FSTL5: variants seen among roughly 807,000 people sequenced by gnomAD.
FSTL5 encodes follistatin-related protein 5.
A neutral mutation model predicts 89.1 loss-of-function variants in FSTL5; 62 were observed. The ratio of observed to expected loss-of-function variants is 0.70; its 90% CI spans 0.57 to 0.86. The LOEUF (loss-of-function observed/expected upper bound fraction) is 0.86. Among genes scored for constraint, FSTL5 ranks in the 40% least tolerant of loss-of-function variants. FSTL5 has a pLI of 0.00. For missense variants in FSTL5, 1,057 were observed against 1,001.6 expected (o/e 1.06, Z -0.75); for synonymous variants, 383 against 346.2 (o/e 1.11, Z -1.18).
At chr4:161,955,751 T>G (rs906749008) in intron 3 of FSTL5, among the ~76,000 whole-genome samples, 6 of 151,874 alleles carry the variant, frequency 4.0e-5, no homozygotes, top group Non-Finnish European at 7.4e-5. Context: ...GCCTAGTATA[T>G]TCAGCATCTG....
At chr4:161,511,926 T>G (rs1392781659) in intron 10 of FSTL5, among the ~76,000 whole-genome samples, 1 of 152,006 alleles carries the variant, frequency 6.6e-6, no homozygotes, top group Non-Finnish European at 1.5e-5. Context: ...AAGAGTGCTG[T>G]GCGGTGTAGG....
intron 2 of FSTL5, among the ~76,000 whole-genome samples, chr4:162,036,277 A>G (rs1737735834): frequency 6.6e-6 from 1 of 152,034 alleles, no homozygotes; most frequent in Non-Finnish European, 1.5e-5. Context: ...TGAATTTCTG[A>G]CCTTCCCTTA....
rs78598359 is a variant in FSTL5 at position 161,417,584 on chromosome 4, T to C, written c.1842-31135A>G. On this transcript the variant is annotated intron_variant, in intron 15 of 15. Coordinates refer to ENST00000306100, the MANE Select transcript of FSTL5 (RefSeq NM_020116.5). ...TTATACTTGAGGAATTTACAGTTGA[T>C]TAAGAATTAAGATTTGGGCCCGGGG... 3.4e-3 allele frequency among the ~76,000 whole-genome samples: 525 copies of C among 152,352 alleles called. 13 individuals carry two copies. In the East Asian group the frequency reaches 0.054, roughly 16 times the overall value.
rs796796268 is a variant in FSTL5, at chr4:161,779,791, A to G, written c.410-3717T>C. Among the ~76,000 whole-genome samples, 21 of 51,560 alleles carry G rather than the reference A, an allele frequency of 4.1e-4. 4 individuals are homozygous for G. In the South Asian group the frequency reaches 6.2e-3, roughly 15 times the overall value. The allele number at this position is 51,560 out of a possible 152,430, so 33.8% of individuals were successfully genotyped here. On this transcript the variant is annotated intron_variant, in intron 4 of 15. Transcript: ENST00000306100. ...TATATATATGTATATATATATATAT[A>G]TATATATATATATATATATGTATAT...
At chr4:161,456,084 C>T (rs1225660850) in intron 14 of FSTL5, among the ~76,000 whole-genome samples, 4 of 152,080 alleles carry the variant, frequency 2.6e-5, no homozygotes, top group Non-Finnish European at 1.5e-5. Context: ...CCATCGGAAT[C>T]CCTCCTGGCT....
rs190016294 is a variant in FSTL5 at position 161,641,983 on chromosome 4, T to G, written c.894+14345A>C. ...AGCTCTAAGGCATATAGAAAACAAA[T>G]AGCAAAATGAAAGAAATAAAGTTTC... On this transcript the variant is annotated intron_variant, in intron 7 of 15. Transcript: ENST00000306100. Among the ~76,000 whole-genome samples the G allele has an allele frequency of 7.0e-4, 107 of 152,160 alleles. 1 individual carries two copies. The highest frequency in any genetic ancestry group is 6.9e-3 in the Admixed American group (106 of 15,294).
At chr4:161,927,679 A>G (rs1578867412) in intron 3 of FSTL5, among the ~76,000 whole-genome samples, 2 of 151,792 alleles carry the variant, frequency 1.3e-5, no homozygotes, top group South Asian at 4.1e-4. Context: ...ATAGTGTATT[A>G]ATTTAAAAAG....
chr4:161,643,896 A>G (rs1026653377), intron 7 of FSTL5, among the ~76,000 whole-genome samples: 4 of 152,202 alleles, frequency 2.6e-5, no homozygotes, highest in Non-Finnish European at 5.9e-5. Flanking sequence ...ATAACTGCAA[A>G]TATAAGAACC....
chr4:161,524,951 C>T (rs1731166224), intron 10 of FSTL5, among the ~76,000 whole-genome samples: 1 of 149,642 alleles, frequency 6.7e-6, no homozygotes, highest in Admixed American at 6.6e-5. Context: ...GAGCAAGACT[C>T]CATCTCAAAA....
At chr4:161,786,152 T>C (rs979219253) in intron 4 of FSTL5, among the ~76,000 whole-genome samples, 2 of 152,084 alleles carry the variant, frequency 1.3e-5, no homozygotes, top group East Asian at 1.9e-4. Flanking sequence ...ATTTATTCTA[T>C]ATAATTGTAA....
At chr4:162,072,826 G>A (rs1280759987) in intron 2 of FSTL5, among the ~76,000 whole-genome samples, 1 of 151,780 alleles carries the variant, frequency 6.6e-6, no homozygotes, top group Admixed American at 6.6e-5. Context: ...GGTAGACCAA[G>A]TAAAGCAGAT....
intron 4 of FSTL5, among the ~76,000 whole-genome samples, chr4:161,908,462 AAATT>A (rs1201691124): frequency 1.3e-5 from 2 of 152,096 alleles, no homozygotes; most frequent in African/African-American, 4.8e-5. Flanking sequence ...GTTAATATAT[AAATT>A]GTTTCTTTCA....
chr4:161,455,237 A>G, intron 14 of FSTL5, 109 bp from the exon 15 acceptor site: 1 of 739,210 alleles, frequency 1.4e-6, no homozygotes, highest in East Asian at 3.2e-5. Context: ...GTTTGCATAG[A>G]CTTTATGCCA....
rs552395687 is a variant in FSTL5 at position 161,831,461 on chromosome 4, C to A, written c.410-55387G>T. On this transcript the variant is annotated intron_variant, in intron 4 of 15. Coordinates refer to ENST00000306100, the MANE Select transcript of FSTL5 (RefSeq NM_020116.5). ...TGGCATTTTTGAGGAGGCAGTAATA[C>A]AAAACTTAGAAATAAAATTGAAAGT... Among the ~76,000 whole-genome samples, 36 of 151,600 alleles carry A rather than the reference C, an allele frequency of 2.4e-4. No individual in the cohort carries two copies. In the South Asian group the frequency reaches 6.2e-3, roughly 26 times the overall value.
chr4:161,609,212 A>C (rs1734558474), intron 7 of FSTL5, among the ~76,000 whole-genome samples: 1 of 152,130 alleles, frequency 6.6e-6, no homozygotes, highest in African/African-American at 2.4e-5. Context: ...GAATACATTA[A>C]TTATAATGTC....
At chr4:161,900,044 A>T (rs1018261849) in intron 4 of FSTL5, among the ~76,000 whole-genome samples, 1 of 152,056 alleles carries the variant, frequency 6.6e-6, no homozygotes, top group African/African-American at 2.4e-5. Flanking sequence ...AAATACAAAA[A>T]TTAGCCAGGT....
intron 15 of FSTL5, among the ~76,000 whole-genome samples, chr4:161,397,123 T>C (rs1011775449): frequency 6.6e-6 from 1 of 152,110 alleles, no homozygotes; most frequent in Non-Finnish European, 1.5e-5. Flanking sequence ...TTTAACAATG[T>C]GAATGTCTTA....
Position 161,825,864 on chromosome 4 carries a change from T to C in FSTL5, c.410-49790A>G, listed in dbSNP as rs555243714. Among the ~76,000 whole-genome samples the C allele has an allele frequency of 2.6e-5, 4 of 152,238 alleles. No individual in the cohort carries two copies. In the South Asian group the frequency reaches 6.2e-4, roughly 24 times the overall value. ...CTTTTTGTTTCATTTATCTTTTGTA[T>C]TTTTTTATTTCATTTAGTTCTGCTT... On this transcript the variant is annotated intron_variant, in intron 4 of 15. Coordinates refer to ENST00000306100, the MANE Select transcript of FSTL5 (RefSeq NM_020116.5).
At chr4:161,483,138 C>A (rs1325854314) in intron 12 of FSTL5, among the ~76,000 whole-genome samples, 3 of 152,240 alleles carry the variant, frequency 2.0e-5, no homozygotes, top group African/African-American at 7.2e-5. Context: ...ATTACACTTT[C>A]ATTCACCAAT....
Sources: allele counts gnomAD v4.1 joint callset (sites outside exome capture counted in the v4.1 genomes callset), GRCh38; gene constraint gnomAD v4.1.1; transcripts MANE v1.5; gene names NCBI Gene and HGNC (gene_info 2026-07-23, HGNC 2026-07-21).